CNTN4: variants seen among roughly 807,000 people sequenced by gnomAD.
CNTN4 encodes contactin 4.
CNTN4 carries 77 observed loss-of-function variants against 122.5 expected under a neutral mutation model. The ratio of observed to expected loss-of-function variants is 0.63; its 90% confidence interval spans 0.52 to 0.76. The LOEUF (loss-of-function observed/expected upper bound fraction) is 0.76, where lower values mean the gene tolerates loss of function less well. CNTN4 is among the 30% of genes least tolerant of loss of function. The pLI is 0.00. For missense variants in CNTN4, 1,256 were observed against 1,259.1 expected (o/e 1.00, Z 0.04); for synonymous variants, 512 against 447.0 (o/e 1.15, Z -1.83).
intron 18 of CNTN4, among the ~76,000 whole-genome samples, chr3:3,038,174 G>GA: frequency 6.6e-6 from 1 of 152,146 alleles, no homozygotes; most frequent in Admixed American, 6.5e-5. Flanking sequence ...ATGTGGCCCG[G>GA]AGCCTTTCAG....
intron 4 of CNTN4, among the ~76,000 whole-genome samples, chr3:2,615,186 A>T (rs1459207526): frequency 6.6e-6 from 1 of 152,038 alleles, no homozygotes; most frequent in Non-Finnish European, 1.5e-5. Context: ...CACAATTGTT[A>T]AATAGTCTGT....
At chr3:2,167,934 C>T (rs1046911751) in intron 2 of CNTN4, among the ~76,000 whole-genome samples, 3 of 152,080 alleles carry the variant, frequency 2.0e-5, no homozygotes, top group Non-Finnish European at 2.9e-5. Flanking sequence ...TGAGGCTAGG[C>T]GTTCAACAGA....
intron 13 of CNTN4, among the ~76,000 whole-genome samples, chr3:2,941,485 G>A (rs1442232787): frequency 2.0e-5 from 3 of 152,144 alleles, no homozygotes; most frequent in East Asian, 1.9e-4. Flanking sequence ...CTCTCTGATC[G>A]CTTGAGCCTG....
intron 14 of CNTN4, among the ~76,000 whole-genome samples, chr3:3,024,384 T>TAAAA (rs55892513): frequency 1.5e-3 from 138 of 90,168 alleles, no homozygotes; most frequent in East Asian, 2.7e-3. Flanking sequence ...TTTTCCTCAT[T>TAAAA]AAAAAAAAAA....
chr3:2,137,794 G>A (rs1391167214), intron 2 of CNTN4, among the ~76,000 whole-genome samples: 1 of 152,308 alleles, frequency 6.6e-6, no homozygotes, highest in Non-Finnish European at 1.5e-5. Context: ...AAGCCAAAGC[G>A]GGCCAGGCAG....
At chr3:2,237,745 G>T (rs559145745) in intron 2 of CNTN4, among the ~76,000 whole-genome samples, 1 of 152,238 alleles carries the variant, frequency 6.6e-6, no homozygotes, top group East Asian at 1.9e-4. Context: ...CATTTAGTTT[G>T]TAAGGAATGA....
chr3:2,676,469 G>A lies in CNTN4; in HGVS notation c.56-59746G>A, dbSNP rs539161579. Among the ~76,000 whole-genome samples, 4 of 152,304 alleles carry A rather than the reference G, an allele frequency of 2.6e-5. No individual in the cohort carries two copies. In the East Asian group the frequency reaches 7.7e-4, roughly 29 times the overall value. On this transcript the variant is annotated intron_variant, in intron 4 of 24. Transcript: ENST00000418658. Reference sequence around the variant, plus strand: ...ACTCCTGACCTCAAGTGATCCGGCTGCCTCGGCCTCCCAGATTGCTGGGAT... The same window carrying A: ...ACTCCTGACCTCAAGTGATCCGGCTACCTCGGCCTCCCAGATTGCTGGGAT...
chr3:2,433,965 T>C (rs996973810), intron 3 of CNTN4, among the ~76,000 whole-genome samples: 4 of 152,048 alleles, frequency 2.6e-5, no homozygotes, highest in Non-Finnish European at 4.4e-5. Flanking sequence ...GTTGAACTCA[T>C]AGAAGTAGAG....
At chr3:2,679,179 C>G (rs533568759) in intron 4 of CNTN4, among the ~76,000 whole-genome samples, 3 of 152,044 alleles carry the variant, frequency 2.0e-5, no homozygotes, top group African/African-American at 7.2e-5. Context: ...AAGAATTATT[C>G]TTAATTACAA....
chr3:2,914,635 T>C (rs62232782), intron 12 of CNTN4, among the ~76,000 whole-genome samples: 63,795 of 152,050 alleles, frequency 0.42, 13,713 homozygotes, highest in East Asian at 0.64. Flanking sequence ...GAGATTGAAG[T>C]AGTAATTTAA....
rs56043964 is a variant in CNTN4 at position 2,473,674 on chromosome 3, C to T, written c.-88-97742C>T. Among the ~76,000 whole-genome samples, 492 of 152,206 alleles carry T rather than the reference C, an allele frequency of 3.2e-3. 4 individuals are homozygous for T. The highest frequency in any genetic ancestry group is 0.011 in the African/African-American group (437 of 41,528). ...GATGCTTCAAAGATTAGTGGTCTCC[C>T]TTGCATTCTTCTCATAAGCCAGAAA... On this transcript the variant is annotated intron_variant, in intron 3 of 24. Coordinates refer to ENST00000418658, the MANE Select transcript of CNTN4 (RefSeq NM_175607.3).
intron 6 of CNTN4, among the ~76,000 whole-genome samples, chr3:2,759,047 T>C (rs1285434120): frequency 6.6e-6 from 1 of 152,246 alleles, no homozygotes; most frequent in East Asian, 1.9e-4. Context: ...GATTTTCCTA[T>C]TCTGGACATT....
intron 12 of CNTN4, among the ~76,000 whole-genome samples, chr3:2,922,648 T>C (rs941401693): frequency 7.2e-6 from 1 of 138,936 alleles, no homozygotes; most frequent in Non-Finnish European, 1.5e-5. Context: ...AGTCTAGCTC[T>C]GTCCCCCAGG....
chr3:2,423,514 A>C (rs2151127905), intron 3 of CNTN4, among the ~76,000 whole-genome samples: 1 of 150,036 alleles, frequency 6.7e-6, no homozygotes, highest in South Asian at 2.1e-4. Flanking sequence ...GCCTCTGTGG[A>C]ATCCTTTTTG....
chr3:2,758,516 A>AATTTT (rs2090440906), intron 6 of CNTN4, among the ~76,000 whole-genome samples: 1 of 67,256 alleles, frequency 1.5e-5, no homozygotes. Context: ...TCAACACCAT[A>AATTTT]CTTTTTTTTT....
chr3:2,124,462 ACACACACACACC>A (rs1559265636), intron 2 of CNTN4, among the ~76,000 whole-genome samples: 8 of 148,930 alleles, frequency 5.4e-5, no homozygotes, highest in Non-Finnish European at 8.9e-5. Context: ...ACACACACAC[ACACACACACACC>A]CCCTTAAGCA....
At chr3:2,851,244 G>C (rs2093545327) in intron 7 of CNTN4, among the ~76,000 whole-genome samples, 1 of 152,184 alleles carries the variant, frequency 6.6e-6, no homozygotes, top group Non-Finnish European at 1.5e-5. Context: ...TTAGTTTGCA[G>C]TTTCAATATC....
rs188770083 is a variant in CNTN4, at chr3:2,120,482, C to T, written c.-145+19843C>T. Among the ~76,000 whole-genome samples, 19 of 146,012 alleles carry T rather than the reference C, an allele frequency of 1.3e-4. No homozygotes were observed. In the East Asian group the frequency reaches 4.0e-3, roughly 31 times the overall value. ...GCAGTGGCATGGTCTCCACGGACTG[C>T]GAGCTCGCTTCCTGGGATCAAGCAA... On this transcript the variant is annotated intron_variant, in intron 2 of 24. Coordinates refer to ENST00000418658, the MANE Select transcript of CNTN4 (RefSeq NM_175607.3).
chr3:2,801,399 A>G (rs1196556582), intron 6 of CNTN4, among the ~76,000 whole-genome samples: 1 of 152,250 alleles, frequency 6.6e-6, no homozygotes, highest in Non-Finnish European at 1.5e-5. Context: ...CAATTAAAAT[A>G]TTCCAATTAA....
Sources: gnomAD v4.1 joint callset for allele counts (sites outside exome capture counted in the v4.1 genomes callset) on GRCh38, gnomAD v4.1.1 for gene constraint, MANE v1.5 for transcripts, NCBI Gene and HGNC (gene_info 2026-07-23, HGNC 2026-07-21) for gene names.